The following UBE2G2 variants were observed in gnomAD, a reference collection of about 807,000 sequenced individuals.
UBE2G2 encodes the protein ubiquitin conjugating enzyme E2 G2, also known as ubiquitin-conjugating enzyme E2 G2.
A neutral mutation model predicts 23.0 loss-of-function variants in UBE2G2; 10 were observed. That is an observed-to-expected ratio of 0.43 (90% CI 0.27 to 0.74). The LOEUF (loss-of-function observed/expected upper bound fraction) is 0.74. UBE2G2 is among the 30% of genes least tolerant of loss of function. The probability of loss-of-function intolerance (pLI) is 0.19; values close to 1 mark genes in which losing one functional copy is unlikely to be tolerated. For missense variants in UBE2G2, 150 were observed against 218.3 expected (o/e 0.69, Z 1.97); for synonymous variants, 86 against 81.3 (o/e 1.06, Z -0.31).
chr21:44,788,081 G>C lies in UBE2G2; in HGVS notation c.58C>G (p.Pro20Ala), dbSNP rs1555962360. 15 of 1,609,820 alleles carry C rather than the reference G, an allele frequency of 9.3e-6. No individual in the cohort carries two copies. Among genetic ancestry groups the C allele is most frequent in the Non-Finnish European group, 1.3e-5 (15 of 1,178,416 alleles). ...TTACCTGCTACAATTCCTTCCGGAG[G>C]ATTCAGTGTTAATTCTATAAAATTA... ...MAEYKQLTLNPPEGIVAGPMN... is the reference protein window; with the variant it reads ...MAEYKQLTLNAPEGIVAGPMN... Residue 20 changes from proline to alanine, a missense_variant, in exon 2 of 6, where the codon CCT becomes GCT. Coordinates refer to ENST00000345496, the MANE Select transcript of UBE2G2 (RefSeq NM_003343.6).
At chr21:44,792,975 C>T (rs1172016415) in intron 1 of UBE2G2, among the ~76,000 whole-genome samples, 2 of 152,208 alleles carry the variant, frequency 1.3e-5, no homozygotes, top group African/African-American at 2.4e-5. Context: ...AGTACCAAGC[C>T]GACTAAGACC....
chr21:44,797,740 A>AAAG (rs781868771), intron 1 of UBE2G2, among the ~76,000 whole-genome samples: 1 of 114,302 alleles, frequency 8.7e-6, no homozygotes, highest in African/African-American at 3.2e-5. Flanking sequence ...AAAAAAAAAA[A>AAAG]AGAGAAAATA....
At chr21:44,774,856 C>G (rs971403057) in intron 4 of UBE2G2, 68 of 387,972 alleles carry the variant, frequency 1.8e-4, no homozygotes, top group Non-Finnish European at 3.2e-4. Flanking sequence ...ACCTGTGTCC[C>G]TGCCACAGCC....
intron 3 of UBE2G2, among the ~76,000 whole-genome samples, chr21:44,778,784 G>A (rs1021767610): frequency 5.3e-5 from 8 of 152,120 alleles, no homozygotes; most frequent in East Asian, 1.9e-4. Flanking sequence ...CTCCGTCTAC[G>A]AACTGAAAGA....
chr21:44,797,756 TCA>T (rs1177338378), intron 1 of UBE2G2, among the ~76,000 whole-genome samples: 1 of 132,824 alleles, frequency 7.5e-6, no homozygotes, highest in Non-Finnish European at 1.6e-5. Context: ...AAATACCTGC[TCA>T]CAGTCTAGCC....
intron 3 of UBE2G2, 54 bp from the exon 4 acceptor site, chr21:44,777,471 A>C: frequency 6.5e-7 from 1 of 1,541,386 alleles, no homozygotes; most frequent in East Asian, 2.2e-5. Flanking sequence ...TTCAACGTCG[A>C]CCACAATTGA....
rs2083137167 is a variant in UBE2G2, at chr21:44,801,494, C to T, written c.43+212G>A. On this transcript the variant is annotated intron_variant, in intron 1 of 5. Transcript: ENST00000345496. ...TAACACGGCGCCGGCGCTGCCTTTACTGATGCTGGGAAGGCTTCTCTTCAC... is the reference window on the plus strand; with the variant it reads ...TAACACGGCGCCGGCGCTGCCTTTATTGATGCTGGGAAGGCTTCTCTTCAC... 66 of 1,097,912 alleles carry T rather than the reference C, an allele frequency of 6.0e-5. No homozygotes were observed. The South Asian group carries it at 1.5e-3, about 25-fold the overall frequency. The allele number at this position is 1,097,912 out of a possible 1,614,324, so 68.0% of individuals were successfully genotyped here. A position where few individuals can be genotyped will look rare whatever the true frequency, so the allele number is the denominator to read the frequency against.
chr21:44,792,221 A>G (rs782433634), intron 1 of UBE2G2, among the ~76,000 whole-genome samples: 5 of 152,218 alleles, frequency 3.3e-5, no homozygotes, highest in Non-Finnish European at 5.9e-5. Flanking sequence ...AAATGAGTTA[A>G]GACTTTGGGG....
chr21:44,792,696 C>G lies in UBE2G2; in HGVS notation c.44-4601G>C, dbSNP rs368198524. Among the ~76,000 whole-genome samples the G allele has an allele frequency of 2.0e-5, 3 of 152,318 alleles. No individual in the cohort carries two copies. The South Asian group carries it at 6.2e-4, about 32-fold the overall frequency. ...ATGTACCGATTAACCGTTTAATGAA[C>G]CCACAACCTTGGGTAGAACAAGGCC... On this transcript the variant is annotated intron_variant, in intron 1 of 5. Coordinates refer to ENST00000345496, the MANE Select transcript of UBE2G2 (RefSeq NM_003343.6).
At chr21:44,777,258 C>A in intron 4 of UBE2G2, 41 bp downstream of exon 4, 2 of 1,529,564 alleles carry the variant, frequency 1.3e-6, no homozygotes, top group Non-Finnish European at 1.8e-6. Flanking sequence ...TATCTCCGTA[C>A]CTATCCTGGT....
At chr21:44,801,600 C>CG in intron 1 of UBE2G2, 106 bp downstream of exon 1, 1 of 1,377,882 alleles carries the variant, frequency 7.3e-7, no homozygotes, top group Non-Finnish European at 9.4e-7. Flanking sequence ...GTGGAGGCCC[C>CG]GGGCCCGGCT....
At chr21:44,782,210 T>C (rs2082962521) in intron 3 of UBE2G2, among the ~76,000 whole-genome samples, 1 of 152,242 alleles carries the variant, frequency 6.6e-6, no homozygotes, top group Admixed American at 6.5e-5. Flanking sequence ...TGTTCCAGCT[T>C]TTCTCTATGT....
intron 3 of UBE2G2, among the ~76,000 whole-genome samples, chr21:44,784,645 T>C (rs537548144): frequency 4.9e-4 from 74 of 152,300 alleles, no homozygotes; most frequent in African/African-American, 1.6e-3. Context: ...CCCCGGACAC[T>C]GGCCCCCAGT....
intron 1 of UBE2G2, chr21:44,801,368 T>C (rs950689644): frequency 1.8e-6 from 2 of 1,137,384 alleles, no homozygotes; most frequent in Non-Finnish European, 2.2e-6. Flanking sequence ...TCAGGCCTTC[T>C]TCCTCAAGCT....
At chr21:44,790,843 AG>A (rs2083037450) in intron 1 of UBE2G2, among the ~76,000 whole-genome samples, 1 of 152,260 alleles carries the variant, frequency 6.6e-6, no homozygotes, top group South Asian at 2.1e-4. Context: ...AAAATGTGGA[AG>A]CAACTTCAGA....
In UBE2G2 at chr21:44,788,051, G is replaced by A; in HGVS notation, c.79+9C>T. The A allele has an allele frequency of 1.2e-6, 2 of 1,611,686 alleles. No homozygotes were observed. The highest frequency in any genetic ancestry group is 8.5e-7 in the Non-Finnish European group (1 of 1,179,042). ...GTAAATTATAAGGAAGTTAACTTTG[G>A]TACCTTACCTGCTACAATTCCTTCC... On this transcript the variant is annotated intron_variant, in intron 2 of 5. Coordinates refer to ENST00000345496, the MANE Select transcript of UBE2G2 (RefSeq NM_003343.6).
chr21:44,797,022 T>C (rs2146407624), intron 1 of UBE2G2, among the ~76,000 whole-genome samples: 1 of 152,358 alleles, frequency 6.6e-6, no homozygotes, highest in African/African-American at 2.4e-5. Context: ...TCCCACTCTT[T>C]AGGTCTGCTG....
intron 1 of UBE2G2, 106 bp from the exon 2 acceptor site, chr21:44,788,201 G>A: frequency 9.3e-7 from 1 of 1,071,220 alleles, no homozygotes; most frequent in Non-Finnish European, 1.3e-6. Context: ...CATAGAATAT[G>A]CATATTAACA....
intron 1 of UBE2G2, among the ~76,000 whole-genome samples, chr21:44,799,228 A>G (rs2146410173): frequency 6.6e-6 from 1 of 152,326 alleles, no homozygotes; most frequent in Non-Finnish European, 1.5e-5. Flanking sequence ...TTTCTGAATG[A>G]TAAATGAGAA....
Sources: gnomAD v4.1 joint callset for allele counts (sites outside exome capture counted in the v4.1 genomes callset) on GRCh38, gnomAD v4.1.1 for gene constraint, MANE v1.5 for transcripts, NCBI Gene and HGNC (gene_info 2026-07-23, HGNC 2026-07-21) for gene names.